The following SYT1 variants were observed in gnomAD, a reference collection of about 807,000 sequenced individuals.
SYT1 encodes synaptotagmin 1.
SYT1 carries 8 observed loss-of-function variants against 44.8 expected under a neutral mutation model. The observed-to-expected ratio is 0.18, with a 90% confidence interval of 0.10 to 0.32. SYT1 has a LOEUF of 0.32. Ranked by LOEUF, SYT1 falls within the 10% of genes least tolerant of loss-of-function variation. SYT1 has a pLI of 1.00. For missense variants in SYT1, 286 were observed against 509.3 expected (o/e 0.56, Z 4.22); for synonymous variants, 154 against 188.8 (o/e 0.82, Z 1.51).
chr12:79,103,697 A>G (rs1299319175), intron 3 of SYT1, among the ~76,000 whole-genome samples: 1 of 152,166 alleles, frequency 6.6e-6, no homozygotes, highest in African/African-American at 2.4e-5. Flanking sequence ...GGGAAATAAG[A>G]ATGATGTGAC....
chr12:79,179,143 TATAG>T (rs1248881284), intron 3 of SYT1, among the ~76,000 whole-genome samples: 1 of 118,400 alleles, frequency 8.4e-6, no homozygotes, highest in Non-Finnish European at 1.6e-5. Flanking sequence ...TAGATATAGA[TATAG>T]ATATATAGAT....
intron 4 of SYT1, among the ~76,000 whole-genome samples, chr12:79,240,951 T>G (rs116917840): frequency 0.023 from 3,481 of 152,268 alleles, 58 homozygotes; most frequent in Non-Finnish European, 0.034. Flanking sequence ...AGCAGGAGGA[T>G]AGCTTGAGCC....
At chr12:79,441,856 A>C (rs1870442402) in intron 9 of SYT1, among the ~76,000 whole-genome samples, 1 of 152,228 alleles carries the variant, frequency 6.6e-6, no homozygotes, top group Non-Finnish European at 1.5e-5. Flanking sequence ...CCATACAGCC[A>C]AATGACTGGT....
chr12:78,965,991 C>T (rs1214194303), intron 1 of SYT1, among the ~76,000 whole-genome samples: 3 of 151,228 alleles, frequency 2.0e-5, no homozygotes, highest in African/African-American at 7.3e-5. Context: ...GCAGGAGAAT[C>T]GCTTGAACCC....
At chr12:79,387,136 G>T (rs545419686) in intron 9 of SYT1, among the ~76,000 whole-genome samples, 34 of 152,004 alleles carry the variant, frequency 2.2e-4, no homozygotes, top group Non-Finnish European at 4.9e-4. Flanking sequence ...TTCATTTTCA[G>T]CATTTCTGCT....
chr12:79,437,327 G>C (rs1870146955), intron 9 of SYT1, among the ~76,000 whole-genome samples: 2 of 152,154 alleles, frequency 1.3e-5, no homozygotes, highest in South Asian at 4.1e-4. Flanking sequence ...CTGATCTTGA[G>C]ACATGGCAGT....
intron 1 of SYT1, among the ~76,000 whole-genome samples, chr12:78,932,589 TA>T (rs1441775077): frequency 6.6e-6 from 1 of 152,236 alleles, no homozygotes; most frequent in Non-Finnish European, 1.5e-5. Flanking sequence ...CTGAAATGTT[TA>T]AAATTTGTGT....
chr12:79,399,188 C>A (rs762500620), intron 9 of SYT1, among the ~76,000 whole-genome samples: 1 of 151,642 alleles, frequency 6.6e-6, no homozygotes, highest in Non-Finnish European at 1.5e-5. Context: ...GAATATTCAT[C>A]TTTTCCTTGT....
At chr12:79,137,401 T>A (rs183921921) in intron 3 of SYT1, among the ~76,000 whole-genome samples, 128 of 152,210 alleles carry the variant, frequency 8.4e-4, no homozygotes, top group African/African-American at 2.8e-3. Flanking sequence ...CGGCCAGAAC[T>A]TTTTTATACT....
chr12:78,895,549 T>A (rs1875312438), intron 1 of SYT1, among the ~76,000 whole-genome samples: 1 of 151,786 alleles, frequency 6.6e-6, no homozygotes, highest in Non-Finnish European at 1.5e-5. Flanking sequence ...TAAGTATTTT[T>A]AAAAGTATTC....
chr12:78,962,138 A>ACAT (rs1879537250), intron 1 of SYT1, among the ~76,000 whole-genome samples: 1 of 152,004 alleles, frequency 6.6e-6, no homozygotes, highest in African/African-American at 2.4e-5. Flanking sequence ...GACTGTGCTG[A>ACAT]CATAGAGAGT....
At chr12:78,949,984 TTAC>T (rs1878877609) in intron 1 of SYT1, among the ~76,000 whole-genome samples, 1 of 151,958 alleles carries the variant, frequency 6.6e-6, no homozygotes, top group South Asian at 2.1e-4. Context: ...TTTTCACAAG[TTAC>T]AAATATTTTA....
intron 3 of SYT1, among the ~76,000 whole-genome samples, chr12:79,170,847 A>T (rs1379408914): frequency 3.3e-5 from 5 of 151,864 alleles, no homozygotes; most frequent in Non-Finnish European, 7.4e-5. Flanking sequence ...TACACTTAAG[A>T]CTTTAATCTA....
At chr12:79,123,308 AATGTGTGTGT>A (rs1030645488) in intron 3 of SYT1, among the ~76,000 whole-genome samples, 18 of 96,534 alleles carry the variant, frequency 1.9e-4, no homozygotes, top group African/African-American at 7.0e-4. Flanking sequence ...CTAAAAATGC[AATGTGTGTGT>A]GTGTGTGTGT....
chr12:79,195,945 G>A (rs1873425738), intron 3 of SYT1, among the ~76,000 whole-genome samples: 1 of 152,040 alleles, frequency 6.6e-6, no homozygotes, highest in African/African-American at 2.4e-5. Context: ...ATTTTAAATT[G>A]CATGCATTGT....
rs369511149 is a variant in SYT1 at position 78,987,940 on chromosome 12, C to G, written c.-84+10009C>G. On this transcript the variant is annotated intron_variant, in intron 2 of 10. Coordinates refer to ENST00000261205, the MANE Select transcript of SYT1 (RefSeq NM_005639.3). ...TAGAGGCAAAACTCCTCAACAAAAG[C>G]CAGCCCATAAACCATCCTGTCAGGT... Among the ~76,000 whole-genome samples the G allele has an allele frequency of 2.2e-4, 34 of 152,140 alleles. No homozygotes were observed. The East Asian group carries it at 6.2e-3, about 28-fold the overall frequency.
chr12:79,210,740 T>A (rs1411730691), intron 3 of SYT1, among the ~76,000 whole-genome samples: 1 of 152,198 alleles, frequency 6.6e-6, no homozygotes, highest in East Asian at 1.9e-4. Context: ...ATATAATGAC[T>A]TATTTTCCTC....
intron 1 of SYT1, among the ~76,000 whole-genome samples, chr12:78,932,875 A>T (rs1194969226): frequency 2.0e-5 from 3 of 152,186 alleles, no homozygotes; most frequent in East Asian, 3.9e-4. Flanking sequence ...TCATCATTTC[A>T]ATTATAGGCG....
At chr12:79,333,196 G>C (rs1054181005) in intron 8 of SYT1, among the ~76,000 whole-genome samples, 1 of 152,098 alleles carries the variant, frequency 6.6e-6, no homozygotes, top group African/African-American at 2.4e-5. Flanking sequence ...CACAGTTCTG[G>C]AAGCTGAGAA....
Sources: gnomAD v4.1 joint callset for allele counts (sites outside exome capture counted in the v4.1 genomes callset) on GRCh38, gnomAD v4.1.1 for gene constraint, MANE v1.5 for transcripts, NCBI Gene and HGNC (gene_info 2026-07-23, HGNC 2026-07-21) for gene names.